Variants in PPP1R14D observed in about 807,000 individuals in gnomAD.
PPP1R14D encodes protein phosphatase 1 regulatory inhibitor subunit 14D.
PPP1R14D carries 14 observed loss-of-function variants against 17.1 expected under a neutral mutation model. The ratio of observed to expected loss-of-function variants is 0.82; its 90% CI spans 0.54 to 1.28. The LOEUF (loss-of-function observed/expected upper bound fraction) is 1.28, where lower values mean the gene tolerates loss of function less well. Ranked by LOEUF, PPP1R14D falls within the 50% of genes most tolerant of loss-of-function variation. The pLI is 0.00. For missense variants in PPP1R14D, 173 were observed against 179.2 expected (o/e 0.97, Z 0.20); for synonymous variants, 67 against 66.1 (o/e 1.01, Z -0.06).
At chr15:40,823,431 T>C (rs906183695) in intron 1 of PPP1R14D, among the ~76,000 whole-genome samples, 1 of 152,126 alleles carries the variant, frequency 6.6e-6, no homozygotes, top group Non-Finnish European at 1.5e-5. Context: ...TAGTGCAGCC[T>C]ATGTGTACAG....
intron 1 of PPP1R14D, among the ~76,000 whole-genome samples, chr15:40,820,784 C>G (rs1343384545): frequency 1.3e-5 from 2 of 151,788 alleles, no homozygotes; most frequent in Non-Finnish European, 2.9e-5. Flanking sequence ...TGGCTTGAAC[C>G]CGGGAGGTGG....
intron 1 of PPP1R14D, among the ~76,000 whole-genome samples, chr15:40,827,594 A>G (rs1890890469): frequency 6.6e-6 from 1 of 152,150 alleles, no homozygotes; most frequent in Non-Finnish European, 1.5e-5. Flanking sequence ...AAAGTCAAAC[A>G]GCTACACATG....
chr15:40,815,901 A>G (rs768251308), intron 3 of PPP1R14D, 61 bp downstream of exon 3: 1 of 1,598,972 alleles, frequency 6.3e-7, no homozygotes, highest in Non-Finnish European at 8.5e-7. Flanking sequence ...AATACTCCTC[A>G]TTAGCTACCT....
chr15:40,816,156 A>G lies in PPP1R14D; in HGVS notation c.339+14T>C. ...TCCCACTGACCCAAGGCCAGCTTCT[A>G]GCCCCCATCCTACCTCCAGCTGAGT... On this transcript the variant is annotated intron_variant, in intron 2 of 3. Coordinates refer to ENST00000299174, the MANE Select transcript of PPP1R14D (RefSeq NM_017726.8). 6.2e-7 allele frequency: 1 copy of G among 1,613,540 alleles called. No homozygotes were observed. The highest frequency in any genetic ancestry group is 8.5e-7 in the Non-Finnish European group (1 of 1,179,442).
chr15:40,821,877 G>A (rs1420401529), intron 1 of PPP1R14D, among the ~76,000 whole-genome samples: 3 of 152,162 alleles, frequency 2.0e-5, no homozygotes, highest in East Asian at 1.9e-4. Context: ...GCGGTGAGGC[G>A]AGATCGTACC....
chr15:40,825,868 T>G (rs1359857902), intron 1 of PPP1R14D, among the ~76,000 whole-genome samples: 2 of 152,240 alleles, frequency 1.3e-5, no homozygotes, highest in South Asian at 4.1e-4. Context: ...GGAACGCTCC[T>G]TCCACATGTC....
chr15:40,823,219 C>T (rs1890812218), intron 1 of PPP1R14D, among the ~76,000 whole-genome samples: 2 of 151,998 alleles, frequency 1.3e-5, no homozygotes, highest in South Asian at 2.1e-4. Flanking sequence ...CCACTTCAGC[C>T]TCTCAAAGTG....
chr15:40,827,265 T>G (rs954705555), intron 1 of PPP1R14D, among the ~76,000 whole-genome samples: 2 of 152,302 alleles, frequency 1.3e-5, no homozygotes, highest in African/African-American at 4.8e-5. Context: ...TCCCAGCACT[T>G]TGGGAGGCTG....
chr15:40,825,373 G>A (rs1890854152), intron 1 of PPP1R14D, among the ~76,000 whole-genome samples: 2 of 151,854 alleles, frequency 1.3e-5, no homozygotes, highest in Admixed American at 6.6e-5. Flanking sequence ...TAAAATAGAA[G>A]AAACTCATGT....
intron 1 of PPP1R14D, among the ~76,000 whole-genome samples, chr15:40,823,771 T>C (rs1449097555): frequency 6.6e-6 from 1 of 152,140 alleles, no homozygotes; most frequent in African/African-American, 2.4e-5. Flanking sequence ...GTTTGCACAA[T>C]GATGAAATTG....
intron 2 of PPP1R14D, 42 bp downstream of exon 2, chr15:40,816,128 G>A (rs778323370): frequency 1.2e-6 from 2 of 1,606,736 alleles, no homozygotes; most frequent in Non-Finnish European, 1.7e-6. Flanking sequence ...TGGGTTTCTG[G>A]GTTCCCACTG....
At chr15:40,824,707 T>A (rs770545275) in intron 1 of PPP1R14D, among the ~76,000 whole-genome samples, 7 of 152,150 alleles carry the variant, frequency 4.6e-5, no homozygotes, top group Non-Finnish European at 1.0e-4. Flanking sequence ...AATAGAATTA[T>A]TAAATTCTAA....
intron 1 of PPP1R14D, among the ~76,000 whole-genome samples, chr15:40,817,644 T>C (rs564680360): frequency 6.6e-6 from 1 of 150,606 alleles, no homozygotes; most frequent in African/African-American, 2.4e-5. Flanking sequence ...GACAAAAGTA[T>C]TGCTCTGTCA....
intron 1 of PPP1R14D, among the ~76,000 whole-genome samples, chr15:40,816,570 G>A (rs561598532): frequency 6.6e-6 from 1 of 151,498 alleles, no homozygotes; most frequent in Non-Finnish European, 1.5e-5. Context: ...AAAATAAGCC[G>A]GGCATGGTGG....
At chr15:40,827,849 C>A (rs1443803264) in intron 1 of PPP1R14D, among the ~76,000 whole-genome samples, 1 of 152,058 alleles carries the variant, frequency 6.6e-6, no homozygotes. Flanking sequence ...TGGCTTGAAC[C>A]CAGCAGGCAG....
At chr15:40,815,887 T>G (rs906881759) in intron 3 of PPP1R14D, 75 bp downstream of exon 3, 2 of 1,523,176 alleles carry the variant, frequency 1.3e-6, no homozygotes, top group African/African-American at 2.8e-5. Flanking sequence ...AAGCCTTCCC[T>G]TCAAATACTC....
rs377211077 is a variant in PPP1R14D at position 40,828,596 on chromosome 15, C to A, written c.46G>T (p.Gly16Trp). The A allele has an allele frequency of 1.2e-6, 2 of 1,613,944 alleles. No individual in the cohort carries two copies. The highest frequency in any genetic ancestry group is 1.7e-6 in the Non-Finnish European group (2 of 1,179,954). ...TGGACCTTCTTACATGGGTTCTCCCCATCTGGGCTGGGAGATGTGCAGGAA... is the reference window on the plus strand; with the variant it reads ...TGGACCTTCTTACATGGGTTCTCCCAATCTGGGCTGGGAGATGTGCAGGAA... ...PASCTSPSPD[G>W]ENPCKKVHWA... The change falls in exon 1 of 4, where the codon GGG becomes TGG. Residue 16 changes from glycine to tryptophan, a missense_variant. Transcript: ENST00000299174.
At chr15:40,816,024 C>T (rs202052943) in intron 2 of PPP1R14D, 30 bp from the exon 3 acceptor site, 19 of 1,613,392 alleles carry the variant, frequency 1.2e-5, no homozygotes, top group Admixed American at 1.7e-5. Flanking sequence ...GACAGGGCCC[C>T]AAGTCACAGC....
intron 1 of PPP1R14D, among the ~76,000 whole-genome samples, chr15:40,821,042 A>AG (rs60842010): frequency 0.77 from 115,790 of 149,628 alleles, 45,241 homozygotes; most frequent in East Asian, 0.9. Context: ...AATAAGAAGA[A>AG]AAAAAAAGAA....
Sources: allele counts gnomAD v4.1 joint callset (sites outside exome capture counted in the v4.1 genomes callset), GRCh38; gene constraint gnomAD v4.1.1; transcripts MANE v1.5; gene names NCBI Gene and HGNC (gene_info 2026-07-23, HGNC 2026-07-21).